RSPH14: variants seen among roughly 807,000 people sequenced by gnomAD.
RSPH14 encodes rhabdoid tumor deletion region gene 1.
A neutral mutation model predicts 26.7 loss-of-function variants in RSPH14; 20 were observed. The observed-to-expected ratio is 0.75, with a 90% CI of 0.53 to 1.09. The LOEUF is 1.09. RSPH14 is among the 50% of genes least tolerant of loss of function. The probability of loss-of-function intolerance (pLI) is 0.00; values close to 1 mark genes in which losing one functional copy is unlikely to be tolerated. For synonymous variants in RSPH14, 177 were observed against 189.3 expected (o/e 0.93, Z 0.53); for missense variants, 449 against 457.2 (o/e 0.98, Z 0.16).
At chr22:23,145,686 C>T (rs2070725845), upstream of RSPH14, 17 of 1,088,918 alleles carry the variant, frequency 1.6e-5, 1 homozygote, top group South Asian at 2.3e-4. Context: ...GGCCTGCGGC[C>T]CCGGGGCGTC....
At chr22:23,082,377 ATTTTTTTT>A (rs34931887) in intron 4 of RSPH14, among the ~76,000 whole-genome samples, 2 of 116,504 alleles carry the variant, frequency 1.7e-5, no homozygotes, top group African/African-American at 3.3e-5. Context: ...ACACCTGGCT[ATTTTTTTT>A]TTTTTTTTTT....
chr22:23,169,194 G>GCTCGTTT, the RSPH14 span, among the ~76,000 whole-genome samples: 1 of 152,234 alleles, frequency 6.6e-6, no homozygotes, highest in Admixed American at 6.5e-5. Flanking sequence ...CTCCACAGGG[G>GCTCGTTT]CTCGTTTCTC....
intron 4 of RSPH14, among the ~76,000 whole-genome samples, chr22:23,066,267 A>G (rs945955973): frequency 9.9e-5 from 15 of 152,170 alleles, no homozygotes; most frequent in Admixed American, 7.2e-4. Context: ...GACAGGTGTC[A>G]TTGCTGAGTC....
chr22:23,092,631 C>T (rs1157370295), intron 4 of RSPH14, among the ~76,000 whole-genome samples: 3 of 152,156 alleles, frequency 2.0e-5, no homozygotes, highest in African/African-American at 4.8e-5. Context: ...GCACACTGAT[C>T]GAAGACTGCA....
chr22:23,078,686 G>C (rs189428275), intron 4 of RSPH14, among the ~76,000 whole-genome samples: 27 of 152,358 alleles, frequency 1.8e-4, no homozygotes, highest in Admixed American at 6.5e-4. Flanking sequence ...CCAGGGTTTG[G>C]GGGATTATCC....
intron 4 of RSPH14, among the ~76,000 whole-genome samples, chr22:23,092,612 G>A (rs549128021): frequency 4.6e-5 from 7 of 152,246 alleles, no homozygotes; most frequent in Non-Finnish European, 7.4e-5. Flanking sequence ...TTGCCCTGTC[G>A]TTGCCGGCGC....
At chr22:23,085,333 A>G (rs2068788323) in intron 4 of RSPH14, among the ~76,000 whole-genome samples, 1 of 152,058 alleles carries the variant, frequency 6.6e-6, no homozygotes, top group South Asian at 2.1e-4. Flanking sequence ...TGACACACAG[A>G]CTCAGCTTGT....
the RSPH14 span, among the ~76,000 whole-genome samples, chr22:23,178,680 T>C: frequency 6.6e-6 from 1 of 152,232 alleles, no homozygotes; most frequent in East Asian, 1.9e-4. Flanking sequence ...CCCATGGGTT[T>C]TCCAGGGCAG....
At chr22:23,076,095 G>A (rs759776371) in intron 4 of RSPH14, among the ~76,000 whole-genome samples, 5 of 152,204 alleles carry the variant, frequency 3.3e-5, no homozygotes, top group Non-Finnish European at 5.9e-5. Context: ...GGCTGGCATG[G>A]CAGTGAGGGC....
rs141798865 is a variant in RSPH14 at position 23,064,002 on chromosome 22, C to G, written c.553G>C (p.Glu185Gln). Residue 185 changes from glutamate to glutamine, a missense_variant, in exon 5 of 7, where the codon GAG becomes CAG. Glu to Gln is a conservative substitution (Grantham distance 29). Coordinates refer to ENST00000216036, the MANE Select transcript of RSPH14 (RefSeq NM_014433.3). ...LVLCLQEDAT[E>Q]ALGSNVVLVL... The stretch of plus-strand genomic sequence containing the variant: ...AGCACCACATTGCTGCCCAGGGCCT[C>G]GGTGGCATCCTCCTGCAGGCAGAGG... 6.2e-7 allele frequency: 1 copy of G among 1,614,214 alleles called. No individual in the cohort carries two copies. The highest frequency in any genetic ancestry group is 2.2e-5 in the East Asian group (1 of 44,882).
chr22:23,113,448 G>A (rs1337187937), intron 4 of RSPH14, among the ~76,000 whole-genome samples: 1 of 152,234 alleles, frequency 6.6e-6, no homozygotes, highest in Admixed American at 6.5e-5. Context: ...GAGGGTAGAT[G>A]TAGGCCAAGA....
chr22:23,130,097 A>G (rs1172275314), intron 4 of RSPH14, among the ~76,000 whole-genome samples: 10 of 56,822 alleles, frequency 1.8e-4, no homozygotes, highest in African/African-American at 4.8e-4. Context: ...GAAAGAAAGA[A>G]AGAAAGAAAG....
chr22:23,129,020 A>C (rs1335353591), intron 4 of RSPH14, among the ~76,000 whole-genome samples: 1 of 152,134 alleles, frequency 6.6e-6, no homozygotes, highest in East Asian at 1.9e-4. Flanking sequence ...TAAGCCACAC[A>C]GGTGACACCC....
chr22:23,104,014 G>A (rs934265143), intron 4 of RSPH14, among the ~76,000 whole-genome samples: 9 of 152,158 alleles, frequency 5.9e-5, no homozygotes, highest in Non-Finnish European at 1.0e-4. Flanking sequence ...CAGGAGAGAC[G>A]GGGGCCTAGA....
chr22:23,152,151 T>G, the RSPH14 span, among the ~76,000 whole-genome samples: 1 of 152,222 alleles, frequency 6.6e-6, no homozygotes, highest in Non-Finnish European at 1.5e-5. Context: ...AGCCACACCC[T>G]GGCCTCCTGC....
intron 4 of RSPH14, among the ~76,000 whole-genome samples, chr22:23,090,630 G>A (rs779403175): frequency 6.6e-5 from 10 of 152,128 alleles, no homozygotes; most frequent in Non-Finnish European, 2.9e-5. Context: ...GGGCCTTTGT[G>A]CCGGTGGTTC....
intron 5 of RSPH14, among the ~76,000 whole-genome samples, 193 bp from the exon 6 acceptor site, chr22:23,062,138 C>T (rs573054327): frequency 8.5e-5 from 13 of 152,294 alleles, no homozygotes; most frequent in Admixed American, 2.0e-4. Flanking sequence ...GGTGTGAACG[C>T]GGCCCACTGC....
upstream of RSPH14, among the ~76,000 whole-genome samples, chr22:23,149,751 C>T (rs2070996131): frequency 6.6e-6 from 1 of 152,332 alleles, no homozygotes; most frequent in African/African-American, 2.4e-5. Flanking sequence ...ACTCGTCTCG[C>T]CCTGAGAGGG....
chr22:23,071,272 C>T lies in RSPH14; in HGVS notation c.422-7139G>A, dbSNP rs779482844. Among the ~76,000 whole-genome samples the T allele has an allele frequency of 2.2e-4, 33 of 152,136 alleles. 1 individual carries two copies. The highest frequency in any genetic ancestry group is 3.5e-4 in the Non-Finnish European group (24 of 68,026). ...TGGCGCTCCGTATCCTGCGGGCGAT[C>T]CGAGGGGGCTCTGCCTTTAGGGCGG... On this transcript the variant is annotated intron_variant, in intron 4 of 6. Coordinates refer to ENST00000216036, the MANE Select transcript of RSPH14 (RefSeq NM_014433.3). This position sits in a 1 kb window ranked among gnomAD's most constrained non-coding sequence, Gnocchi z 4.1.
Sources: gnomAD v4.1 joint callset for allele counts (sites outside exome capture counted in the v4.1 genomes callset) on GRCh38, gnomAD v4.1.1 for gene constraint, Gnocchi (gnomAD v3.1) non-coding constraint, MANE v1.5 for transcripts, NCBI Gene and HGNC (gene_info 2026-07-23, HGNC 2026-07-21) for gene names.